Variants in PCBP3 observed in about 807,000 individuals in gnomAD.
PCBP3 encodes poly(rC) binding protein 3, also known as poly(rC)-binding protein 3.
A neutral mutation model predicts 52.7 loss-of-function variants in PCBP3; 25 were observed. That is an observed-to-expected ratio of 0.47 (90% CI 0.35 to 0.66). The LOEUF (loss-of-function observed/expected upper bound fraction) is 0.66, where lower values mean the gene tolerates loss of function less well. PCBP3 is among the 30% of genes least tolerant of loss of function. The pLI is 0.01. For synonymous variants in PCBP3, 162 were observed against 183.0 expected (o/e 0.89, Z 0.93); for missense variants, 391 against 490.3 (o/e 0.80, Z 1.91).
intron 4 of PCBP3, among the ~76,000 whole-genome samples, chr21:45,815,013 GATGA>G (rs2092841355): frequency 1.6e-5 from 2 of 125,080 alleles, no homozygotes; most frequent in African/African-American, 3.2e-5. Flanking sequence ...AGTGGTGAGT[GATGA>G]GTGAGTGGTG....
chr21:45,909,961 C>CGG (rs2096322646), intron 10 of PCBP3, among the ~76,000 whole-genome samples: 1 of 80,482 alleles, frequency 1.2e-5, no homozygotes, highest in Non-Finnish European at 2.5e-5. Flanking sequence ...GATACGGACC[C>CGG]CCCCACACAC....
chr21:45,754,555 A>G lies in PCBP3; in HGVS notation c.-161-862A>G, dbSNP rs376452711. Among the ~76,000 whole-genome samples the G allele has an allele frequency of 2.0e-5, 3 of 152,338 alleles. No homozygotes were observed. In the East Asian group the frequency reaches 5.8e-4, roughly 29 times the overall value. ...CTGTTGATATAGCTAGAAAACAGCT[A>G]GAAAATATTCGTGAGTTTTAAATTT... On this transcript the variant is annotated intron_variant, in intron 3 of 17. Coordinates refer to ENST00000681687, the MANE Select transcript of PCBP3 (RefSeq NM_001384156.1).
chr21:45,889,680 G>A (rs1350709478), intron 5 of PCBP3, among the ~76,000 whole-genome samples: 4 of 152,174 alleles, frequency 2.6e-5, no homozygotes, highest in African/African-American at 9.7e-5. Flanking sequence ...AACAATTCCT[G>A]AGTCTCCCTG....
intron 5 of PCBP3, among the ~76,000 whole-genome samples, chr21:45,879,839 A>C (rs983996689): frequency 5.3e-5 from 8 of 152,102 alleles, no homozygotes; most frequent in Admixed American, 1.3e-4. Context: ...GACAGCATCC[A>C]TTAGAAAAGA....
chr21:45,816,820 A>C (rs2147268340), intron 4 of PCBP3, among the ~76,000 whole-genome samples: 1 of 151,900 alleles, frequency 6.6e-6, no homozygotes, highest in South Asian at 2.1e-4. Flanking sequence ...CAAACCAGTA[A>C]CACCATCGTT....
chr21:45,791,124 G>T lies in PCBP3; in HGVS notation c.-126+35672G>T, dbSNP rs984396758. 1.3e-5 allele frequency among the ~76,000 whole-genome samples: 2 copies of T among 152,164 alleles called. No homozygotes were observed. Among genetic ancestry groups the T allele is most frequent in the Non-Finnish European group, 2.9e-5 (2 of 68,026 alleles). ...AGTGGCGAAGGTGCAGAGATGGTGGGGTCCATCCCAGGAAGCCCCTCACAA... is the reference window on the plus strand; with the variant it reads ...AGTGGCGAAGGTGCAGAGATGGTGGTGTCCATCCCAGGAAGCCCCTCACAA... On this transcript the variant is annotated intron_variant, in intron 4 of 17. Transcript: ENST00000681687. The surrounding 1 kb of genome is among the most constrained non-coding windows in gnomAD (Gnocchi z 4.2).
intron 5 of PCBP3, among the ~76,000 whole-genome samples, chr21:45,868,124 G>T (rs535204447): frequency 6.6e-6 from 1 of 152,382 alleles, no homozygotes; most frequent in Admixed American, 6.5e-5. Context: ...AGACTCCTGC[G>T]CTTCACTGCC....
Position 45,928,440 on chromosome 21 carries a change from C to T in PCBP3, c.718-1477C>T, listed in dbSNP as rs2075767200. ...TACTAGGTACTGAGGAAGGAAGGGC[C>T]TTTATCTTGACTCTGGGTGAACTCT... On this transcript the variant is annotated intron_variant, in intron 13 of 17. Coordinates refer to ENST00000681687, the MANE Select transcript of PCBP3 (RefSeq NM_001384156.1). The surrounding 1 kb of genome is among the most constrained non-coding windows in gnomAD (Gnocchi z 4.1). Among the ~76,000 whole-genome samples the T allele has an allele frequency of 6.6e-6, 1 of 152,174 alleles. No individual in the cohort carries two copies. Among genetic ancestry groups the T allele is most frequent in the Non-Finnish European group, 1.5e-5 (1 of 68,012 alleles).
chr21:45,883,996 A>C (rs1345494713), intron 5 of PCBP3, among the ~76,000 whole-genome samples: 1 of 152,128 alleles, frequency 6.6e-6, no homozygotes, highest in Non-Finnish European at 1.5e-5. Flanking sequence ...GGAGTGCAGT[A>C]GTGTGATCAT....
intron 2 of PCBP3, among the ~76,000 whole-genome samples, chr21:45,671,364 T>C (rs2081163961): frequency 6.6e-6 from 1 of 152,210 alleles, no homozygotes; most frequent in Non-Finnish European, 1.5e-5. Context: ...CAGTTGTCGC[T>C]CTTGTCGTTT....
In PCBP3 at chr21:45,735,166, G is replaced by A. The variant is rs913300831; in HGVS notation, c.-199-226G>A. Among the ~76,000 whole-genome samples the A allele has an allele frequency of 3.9e-5, 6 of 152,202 alleles. No homozygotes were observed. Among genetic ancestry groups the A allele is most frequent in the Admixed American group, 6.5e-5 (1 of 15,276 alleles). On this transcript the variant is annotated intron_variant, in intron 2 of 17. Transcript: ENST00000681687. This position sits in a 1 kb window ranked among gnomAD's most constrained non-coding sequence, Gnocchi z 4.0. Reference sequence around the variant, plus strand: ...GGGGTTCTGAGTCTTTATCAGTGTCGTGTATGTTCCAGACTCAGTTTAGAA... The same window carrying A: ...GGGGTTCTGAGTCTTTATCAGTGTCATGTATGTTCCAGACTCAGTTTAGAA...
intron 10 of PCBP3, among the ~76,000 whole-genome samples, chr21:45,909,963 C>G (rs1475076552): frequency 1.3e-5 from 1 of 79,780 alleles, no homozygotes; most frequent in Non-Finnish European, 2.5e-5. Flanking sequence ...TACGGACCCC[C>G]CCACACACAC....
chr21:45,921,195 G>A (rs1265971798), intron 13 of PCBP3, among the ~76,000 whole-genome samples: 1 of 151,994 alleles, frequency 6.6e-6, no homozygotes, highest in Non-Finnish European at 1.5e-5. Context: ...TTAAAGCATC[G>A]GTATTTAGTA....
rs562767971 is a variant in PCBP3 at position 45,789,819 on chromosome 21, G to A, written c.-126+34367G>A. Among the ~76,000 whole-genome samples, 13 of 152,254 alleles carry A rather than the reference G, an allele frequency of 8.5e-5. No homozygotes were observed. The East Asian group carries it at 9.7e-4, about 11-fold the overall frequency. On this transcript the variant is annotated intron_variant, in intron 4 of 17. Transcript: ENST00000681687. ...GGGACCTGGGCCGAGTTAGGTTCTC[G>A]CCAAATCGCTCTGGTGTCTGGGTAG...
At chr21:45,819,006 G>A (rs1026792071) in intron 4 of PCBP3, among the ~76,000 whole-genome samples, 3 of 152,222 alleles carry the variant, frequency 2.0e-5, no homozygotes, top group Admixed American at 6.5e-5. Context: ...AGAGTTGGGC[G>A]GAGAGATGGA....
At chr21:45,739,469 G>T (rs1468866279) in intron 3 of PCBP3, among the ~76,000 whole-genome samples, 3 of 115,004 alleles carry the variant, frequency 2.6e-5, no homozygotes, top group African/African-American at 1.0e-4. Flanking sequence ...CTTCCTGTTT[G>T]TCCATGGCCT....
chr21:45,712,023 A>G (rs1176077856), intron 2 of PCBP3, among the ~76,000 whole-genome samples: 1 of 152,210 alleles, frequency 6.6e-6, no homozygotes. Context: ...GGAGTGATAC[A>G]GTATGTAGCT....
rs1209210349 is a variant in PCBP3 at position 45,704,514 on chromosome 21, G to A, written c.-199-30878G>A. Among the ~76,000 whole-genome samples the A allele has an allele frequency of 6.6e-6, 1 of 152,172 alleles. No homozygotes were observed. Among genetic ancestry groups the A allele is most frequent in the African/African-American group, 2.4e-5 (1 of 41,440 alleles). ...TCTCCCCTGGCAGAGGCGCCCCAGG[G>A]GGCTCCAGGGGAGTGCTGTCTGCTG... On this transcript the variant is annotated intron_variant, in intron 2 of 17. Transcript: ENST00000681687. The surrounding 1 kb of genome is among the most constrained non-coding windows in gnomAD (Gnocchi z 4.1).
At position 45,856,329 on chromosome 21, in the gene PCBP3, C is replaced by G. The variant is rs1377665899; in HGVS notation, c.10+6234C>G. On this transcript the variant is annotated intron_variant, in intron 5 of 17. Coordinates refer to ENST00000681687, the MANE Select transcript of PCBP3 (RefSeq NM_001384156.1). ...CCCAGACACTCCTTTCTATTGATTC[C>G]AGGCCTTCAGATAGTAACTTAACTC... Among the ~76,000 whole-genome samples, 3 of 152,222 alleles carry G rather than the reference C, an allele frequency of 2.0e-5. No individual in the cohort carries two copies. In the East Asian group the frequency reaches 5.8e-4, roughly 29 times the overall value.
Sources: allele counts gnomAD v4.1 joint callset (sites outside exome capture counted in the v4.1 genomes callset), GRCh38; gene constraint gnomAD v4.1.1; non-coding constraint Gnocchi (gnomAD v3.1); transcripts MANE v1.5; gene names NCBI Gene and HGNC (gene_info 2026-07-23, HGNC 2026-07-21).